SLC10A7: variants seen among roughly 807,000 people sequenced by gnomAD.
SLC10A7 encodes solute carrier family 10 member 7.
In SLC10A7, 29 loss-of-function variants were observed where a neutral mutation model predicts 43.2. The observed-to-expected ratio is 0.67, with a 90% CI of 0.50 to 0.92. SLC10A7 has a LOEUF of 0.92. SLC10A7 is among the 40% of genes least tolerant of loss of function. The pLI, the probability that SLC10A7 is intolerant of heterozygous loss-of-function variation, is 0.00. For missense variants in SLC10A7, 295 were observed against 403.2 expected (o/e 0.73, Z 2.30); for synonymous variants, 152 against 144.8 (o/e 1.05, Z -0.35).
rs57840725 is a variant in SLC10A7, at chr4:146,515,909, CAAAAAAAAAA to C, written c.183+1119_183+1128del. Among the ~76,000 whole-genome samples the C allele has an allele frequency of 3.8e-5, 3 of 79,246 alleles. No homozygotes were observed. The East Asian group carries it at 1.2e-3, about 33-fold the overall frequency. The allele number at this position is 79,246 out of a possible 152,430, so 52.0% of individuals were successfully genotyped here. On this transcript the variant is annotated intron_variant, in intron 2 of 11. Coordinates refer to ENST00000335472, the MANE Select transcript of SLC10A7 (RefSeq NM_001029998.6). The stretch of plus-strand genomic sequence containing the variant: ...TGGGCAACAGAGTGAGATTCCATCT[CAAAAAAAAAA>C]AAAAAAAAAAAAAAACCCAATGAAA...
intron 5 of SLC10A7, among the ~76,000 whole-genome samples, chr4:146,367,562 T>A (rs1736484701): frequency 6.6e-6 from 1 of 152,218 alleles, no homozygotes; most frequent in Admixed American, 6.5e-5. Context: ...GAATGCCAGT[T>A]CTATTTTTAA....
intron 5 of SLC10A7, among the ~76,000 whole-genome samples, chr4:146,388,783 A>C (rs1016245521): frequency 2.0e-5 from 3 of 151,716 alleles, no homozygotes; most frequent in African/African-American, 2.4e-5. Flanking sequence ...AAAAAAAAAA[A>C]CCCTAGAAGA....
At chr4:146,361,838 A>G (rs1578993393) in intron 5 of SLC10A7, among the ~76,000 whole-genome samples, 1 of 152,192 alleles carries the variant, frequency 6.6e-6, no homozygotes, top group Non-Finnish European at 1.5e-5. Flanking sequence ...TGAATTCAAC[A>G]TAACACCTGA....
rs79196252 is a variant in SLC10A7, at chr4:146,503,538, G to A, written c.396+311C>T. Reference sequence around the variant, plus strand: ...GCCATACTGGATGCCCTCAGTCTGAGAATCTTGGATGAAAAATGCCTTTCC... The same window carrying A: ...GCCATACTGGATGCCCTCAGTCTGAAAATCTTGGATGAAAAATGCCTTTCC... On this transcript the variant is annotated intron_variant, in intron 4 of 11. Coordinates refer to ENST00000335472, the MANE Select transcript of SLC10A7 (RefSeq NM_001029998.6). Among the ~76,000 whole-genome samples, 172 of 152,280 alleles carry A rather than the reference G, an allele frequency of 1.1e-3. 3 individuals are homozygous for A. In the East Asian group the frequency reaches 0.031, roughly 28 times the overall value.
chr4:146,439,547 T>C (rs1337564578), intron 5 of SLC10A7, among the ~76,000 whole-genome samples: 1 of 152,086 alleles, frequency 6.6e-6, no homozygotes, highest in African/African-American at 2.4e-5. Context: ...AGATAACCAA[T>C]TTCCTTATTT....
At chr4:146,278,795 C>G (rs1371719229) in intron 10 of SLC10A7, among the ~76,000 whole-genome samples, 3 of 152,120 alleles carry the variant, frequency 2.0e-5, no homozygotes, top group Non-Finnish European at 4.4e-5. Flanking sequence ...AGGCCTATGG[C>G]AATTAAGTGA....
At chr4:146,312,944 G>A (rs1025717863) in intron 6 of SLC10A7, among the ~76,000 whole-genome samples, 1 of 152,126 alleles carries the variant, frequency 6.6e-6, no homozygotes, top group Non-Finnish European at 1.5e-5. Context: ...AAGGGCTGGA[G>A]GCAGAGATAC....
Position 146,340,227 on chromosome 4 carries a change from C to T in SLC10A7, c.436-14231G>A, listed in dbSNP as rs1734166116. 2.6e-5 allele frequency among the ~76,000 whole-genome samples: 4 copies of T among 151,696 alleles called. No individual in the cohort carries two copies. In the South Asian group the frequency reaches 8.3e-4, roughly 32 times the overall value. On this transcript the variant is annotated intron_variant, in intron 5 of 11. Transcript: ENST00000335472. ...CTCTCTAAGGCAGTGCTCTCCAAAGCCTGATGGAACTCTCAAGGGCAGAAG... is the reference window on the plus strand; with the variant it reads ...CTCTCTAAGGCAGTGCTCTCCAAAGTCTGATGGAACTCTCAAGGGCAGAAG...
At chr4:146,315,155 G>A (rs986655842) in intron 6 of SLC10A7, among the ~76,000 whole-genome samples, 5 of 152,054 alleles carry the variant, frequency 3.3e-5, no homozygotes, top group African/African-American at 1.2e-4. Flanking sequence ...TCCACAGAAG[G>A]AAAGATTTCA....
At chr4:146,361,039 A>G (rs1298840865) in intron 5 of SLC10A7, among the ~76,000 whole-genome samples, 4 of 152,238 alleles carry the variant, frequency 2.6e-5, no homozygotes, top group Non-Finnish European at 2.9e-5. Flanking sequence ...TCTTTCAGGT[A>G]TCAGCACTCC....
rs1728417155 is a variant in SLC10A7 at position 146,264,292 on chromosome 4, G to C, written c.848-5455C>G. On this transcript the variant is annotated intron_variant, in intron 10 of 11. Transcript: ENST00000335472. Reference sequence around the variant, plus strand: ...AATAATAACTACTTTCTATTGGATGGACAGTTTTTTATTTTTCCTTGAGAA... The same window carrying C: ...AATAATAACTACTTTCTATTGGATGCACAGTTTTTTATTTTTCCTTGAGAA... 2.6e-5 allele frequency among the ~76,000 whole-genome samples: 4 copies of C among 152,024 alleles called. No individual in the cohort carries two copies. The South Asian group carries it at 8.3e-4, about 32-fold the overall frequency.
chr4:146,374,455 G>C (rs1737017407), intron 5 of SLC10A7, among the ~76,000 whole-genome samples: 1 of 151,934 alleles, frequency 6.6e-6, no homozygotes, highest in African/African-American at 2.4e-5. Flanking sequence ...TGGGCATGGT[G>C]GTGCACGCCT....
intron 5 of SLC10A7, among the ~76,000 whole-genome samples, chr4:146,341,115 AAAT>A (rs1454809639): frequency 2.6e-5 from 4 of 151,886 alleles, no homozygotes; most frequent in African/African-American, 9.7e-5. Context: ...ATGGAATTTT[AAAT>A]TAGTAGTTAG....
intron 5 of SLC10A7, among the ~76,000 whole-genome samples, chr4:146,428,444 G>A (rs1036541799): frequency 3.3e-5 from 5 of 152,124 alleles, no homozygotes; most frequent in African/African-American, 9.7e-5. Context: ...CAAGTGCAGA[G>A]GGCTGTAACA....
chr4:146,317,508 G>A (rs890613150), intron 6 of SLC10A7, among the ~76,000 whole-genome samples: 45 of 152,160 alleles, frequency 3.0e-4, no homozygotes, highest in African/African-American at 1.0e-3. Flanking sequence ...CAACTTGACT[G>A]AACTATGGGA....
Position 146,515,876 on chromosome 4 carries a change from C to T in SLC10A7, c.183+1162G>A, listed in dbSNP as rs558713085. ...AGTGAGCCGTGATCACGCTACTGCCCTCCAGCCTGGGCAACAGAGTGAGAT... is the reference window on the plus strand; with the variant it reads ...AGTGAGCCGTGATCACGCTACTGCCTTCCAGCCTGGGCAACAGAGTGAGAT... On this transcript the variant is annotated intron_variant, in intron 2 of 11. Coordinates refer to ENST00000335472, the MANE Select transcript of SLC10A7 (RefSeq NM_001029998.6). 3.3e-3 allele frequency among the ~76,000 whole-genome samples: 444 copies of T among 132,544 alleles called. 3 individuals are homozygous for T. Among genetic ancestry groups the T allele is most frequent in the African/African-American group, 0.012 (433 of 34,832 alleles). The allele number at this position is 132,544 out of a possible 152,430, so 87.0% of individuals were successfully genotyped here.
At chr4:146,292,880 A>G (rs745380882) in intron 9 of SLC10A7, 49 bp downstream of exon 9, 25 of 1,347,190 alleles carry the variant, frequency 1.9e-5, no homozygotes, top group Non-Finnish European at 2.4e-5. Context: ...AGTAGACCGC[A>G]TGATTCCTAA....
chr4:146,438,496 A>AT (rs1390737940), intron 5 of SLC10A7, among the ~76,000 whole-genome samples: 6 of 152,052 alleles, frequency 3.9e-5, no homozygotes, highest in Admixed American at 3.3e-4. Flanking sequence ...TGAAATTCTT[A>AT]TTAGTACATC....
chr4:146,456,510 G>T (rs1732064320), intron 4 of SLC10A7, among the ~76,000 whole-genome samples: 1 of 151,824 alleles, frequency 6.6e-6, no homozygotes, highest in African/African-American at 2.4e-5. Context: ...TAAATTCAGG[G>T]GTTCCAATGT....
Sources: gnomAD v4.1 joint callset for allele counts (sites outside exome capture counted in the v4.1 genomes callset) on GRCh38, gnomAD v4.1.1 for gene constraint, MANE v1.5 for transcripts, NCBI Gene and HGNC (gene_info 2026-07-23, HGNC 2026-07-21) for gene names.